ADAMTS7: variants seen among roughly 807,000 people sequenced by gnomAD.
The protein encoded by ADAMTS7 is A disintegrin and metalloproteinase with thrombospondin motifs 7.
ADAMTS7 carries 89 observed loss-of-function variants against 172.6 expected under a neutral mutation model. That is an observed-to-expected ratio of 0.52 (90% CI 0.43 to 0.61). ADAMTS7 has a LOEUF of 0.61. Ranked by LOEUF, ADAMTS7 falls within the 20% of genes least tolerant of loss-of-function variation. The pLI, the probability that ADAMTS7 is intolerant of heterozygous loss-of-function variation, is 0.00. For missense variants in ADAMTS7, 1,973 were observed against 2,355.6 expected (o/e 0.84, Z 3.36); for synonymous variants, 885 against 978.4 (o/e 0.90, Z 1.78).
chr15:78,789,054 A>G (rs1174947251), intron 7 of ADAMTS7, among the ~76,000 whole-genome samples: 1 of 152,254 alleles, frequency 6.6e-6, no homozygotes, highest in Non-Finnish European at 1.5e-5. Flanking sequence ...AGGCACGGCC[A>G]TCGCCTACGA....
chr15:78,763,603 C>T, intron 22 of ADAMTS7, 96 bp downstream of exon 22: 1 of 1,416,386 alleles, frequency 7.1e-7, no homozygotes, highest in South Asian at 1.6e-5. Flanking sequence ...AAGAGCCTGG[C>T]TCACAGCACA....
chr15:78,787,493 G>A (rs771468524), intron 8 of ADAMTS7, among the ~76,000 whole-genome samples: 3 of 152,030 alleles, frequency 2.0e-5, no homozygotes, highest in Non-Finnish European at 2.9e-5. Context: ...GCAAAAGCTC[G>A]TCTCTACTAA....
intron 8 of ADAMTS7, among the ~76,000 whole-genome samples, chr15:78,785,457 G>T (rs2055488476): frequency 6.6e-6 from 1 of 151,290 alleles, no homozygotes; most frequent in Non-Finnish European, 1.5e-5. Context: ...GCTGAGGCAT[G>T]AGACTCACTT....
intron 8 of ADAMTS7, among the ~76,000 whole-genome samples, chr15:78,783,155 C>T (rs964623839): frequency 2.6e-5 from 4 of 152,132 alleles, no homozygotes; most frequent in African/African-American, 7.2e-5. Context: ...CCAAAATAGC[C>T]CCCATCCAAA....
Position 78,766,129 on chromosome 15 carries a change from C to G in ADAMTS7, c.3782G>C (p.Trp1261Ser), listed in dbSNP as rs778979873. 6.2e-7 allele frequency: 1 copy of G among 1,611,244 alleles called. No individual in the cohort carries two copies. Among genetic ancestry groups the G allele is most frequent in the African/African-American group, 1.3e-5 (1 of 75,004 alleles). The change falls in exon 19 of 24, where the codon TGG becomes TCG. Residue 1261 changes from tryptophan (W) to serine (S), a missense_variant. Trp to Ser is a radical substitution (Grantham distance 177). This residue lies in a region of ADAMTS7 where 771 missense variants were observed against 952.6 expected (regional missense o/e 0.81). Coordinates refer to ENST00000388820, the MANE Select transcript of ADAMTS7 (RefSeq NM_014272.5). ...SSPSPDVAEL[W>S]TGGTVAWEPA... is the part of the protein sequence containing the mutation. ...CTCCCAGGCCACTGTGCCTCCTGTC[C>G]ACAGCTCCGCCACGTCAGGACTAGG...
chr15:78,802,922 G>A (rs1318309748), intron 1 of ADAMTS7, among the ~76,000 whole-genome samples: 2 of 151,954 alleles, frequency 1.3e-5, no homozygotes, highest in Non-Finnish European at 2.9e-5. Flanking sequence ...ACTTGAACCT[G>A]GGAGGTGGAG....
chr15:78,778,714 C>T (rs562168820), intron 8 of ADAMTS7, among the ~76,000 whole-genome samples: 1 of 152,268 alleles, frequency 6.6e-6, no homozygotes, highest in East Asian at 1.9e-4. Flanking sequence ...GGCACAAACC[C>T]TCCAGTTCTC....
chr15:78,784,757 C>T (rs1178079309), intron 8 of ADAMTS7, among the ~76,000 whole-genome samples: 3 of 151,986 alleles, frequency 2.0e-5, no homozygotes, highest in East Asian at 3.8e-4. Context: ...TGGTATGGGA[C>T]CTCTACAGAG....
chr15:78,790,599 C>T (rs1456400701), intron 6 of ADAMTS7, 71 bp downstream of exon 6: 1 of 1,586,748 alleles, frequency 6.3e-7, no homozygotes. Flanking sequence ...CCTCCTCCAC[C>T]AGGGCTTCTT....
At chr15:78,785,450 G>A (rs28626869) in intron 8 of ADAMTS7, among the ~76,000 whole-genome samples, 45 of 151,692 alleles carry the variant, frequency 3.0e-4, no homozygotes, top group African/African-American at 1.1e-3. Context: ...TTGGGAGGCT[G>A]AGGCATGAGA....
chr15:78,761,998 A>T, intron 23 of ADAMTS7: 1 of 985,430 alleles, frequency 1.0e-6, no homozygotes, highest in Non-Finnish European at 1.2e-6. Flanking sequence ...GGGAATGGAC[A>T]GGCCAGGGCT....
Position 78,777,555 on chromosome 15 carries a change from A to T in ADAMTS7, c.1356T>A (p.Pro452=). Residue 452 remains proline, a synonymous_variant, in exon 9 of 24, where the codon CCT becomes CCA. Coordinates refer to ENST00000388820, the MANE Select transcript of ADAMTS7 (RefSeq NM_014272.5). The part of the protein sequence containing the change: ...RGWGLCLDDP[P]AKDIIDFPSV... ...AGGGGAAGTCGATAATGTCCTTGGC[A>T]GGAGGGTCGTCCAGGCACAGGCCCC... 1 of 1,608,252 alleles carries T rather than the reference A, an allele frequency of 6.2e-7. No individual in the cohort carries two copies. The highest frequency in any genetic ancestry group is 8.5e-7 in the Non-Finnish European group (1 of 1,177,566).
At chr15:78,760,006 C>T (rs2055016833) in intron 23 of ADAMTS7, among the ~76,000 whole-genome samples, 1 of 152,126 alleles carries the variant, frequency 6.6e-6, no homozygotes, top group South Asian at 2.1e-4. Context: ...CCCGCCACCG[C>T]CCCCTGCCCC....
chr15:78,800,630 A>G (rs2055712397), intron 1 of ADAMTS7, 83 bp from the exon 2 acceptor site: 4 of 1,288,436 alleles, frequency 3.1e-6, no homozygotes, highest in African/African-American at 1.5e-5. Flanking sequence ...GGGAGCGGCC[A>G]AGAGGGGGCT....
At chr15:78,761,898 T>G in intron 23 of ADAMTS7, 1 of 985,392 alleles carries the variant, frequency 1.0e-6, no homozygotes, top group Non-Finnish European at 1.2e-6. Context: ...AGGCCCTTCC[T>G]GCCTCAAACC....
At chr15:78,796,902 A>G in intron 3 of ADAMTS7, 116 bp from the exon 4 acceptor site, 1 of 980,282 alleles carries the variant, frequency 1.0e-6, no homozygotes. Flanking sequence ...CAGGGATCAG[A>G]GGCCAGGGGC....
chr15:78,773,548 G>A (rs1252800853), intron 13 of ADAMTS7, among the ~76,000 whole-genome samples: 3 of 152,072 alleles, frequency 2.0e-5, no homozygotes, highest in Middle Eastern at 3.4e-3. Flanking sequence ...GAATTTCAAC[G>A]TCAAAGGCAC....
chr15:78,803,551 C>G (rs1247088002), intron 1 of ADAMTS7, among the ~76,000 whole-genome samples: 1 of 151,066 alleles, frequency 6.6e-6, no homozygotes, highest in African/African-American at 2.4e-5. Flanking sequence ...CTCCCAGGTT[C>G]AAGCAATTCT....
Position 78,766,687 on chromosome 15 carries a change from T to G in ADAMTS7, c.3224A>C (p.Asp1075Ala), listed in dbSNP as rs143003804. Residue 1075 changes from aspartate to alanine, a missense_variant, in exon 19 of 24, where the codon GAT (aspartate) becomes GCT (alanine). By Grantham distance (126) the Asp-to-Ala change is moderately radical. Transcript: ENST00000388820. ...YDYNFINFHE[D>A]LSYGPSEEPD... ...CTCCTCAGAGGGCCCGTAGGACAGATCCTCGTGGAAATTGATGAAATTGTA... is the reference window on the plus strand; with the variant it reads ...CTCCTCAGAGGGCCCGTAGGACAGAGCCTCGTGGAAATTGATGAAATTGTA... 1,281 of 1,608,966 alleles carry G rather than the reference T, an allele frequency of 8.0e-4. 7 individuals carry two copies. The highest frequency in any genetic ancestry group is 4.8e-3 in the African/African-American group (350 of 73,286).
Sources: allele counts gnomAD v4.1 joint callset (sites outside exome capture counted in the v4.1 genomes callset), GRCh38; gene constraint gnomAD v4.1.1; regional missense constraint gnomAD v4.1.1; transcripts MANE v1.5; gene names NCBI Gene and HGNC (gene_info 2026-07-23, HGNC 2026-07-21).